PDE1C: variants seen among roughly 807,000 people sequenced by gnomAD.
PDE1C encodes the protein dual specificity calcium/calmodulin-dependent 3',5'-cyclic nucleotide phosphodiesterase 1C.
Under a neutral mutation model 93.1 loss-of-function variants are expected in PDE1C, and 62 were observed. The observed-to-expected ratio is 0.67, with a 90% CI of 0.54 to 0.82. The LOEUF is 0.82. Ranked by LOEUF, PDE1C falls within the 40% of genes least tolerant of loss-of-function variation. The pLI is 0.00. For missense variants in PDE1C, 742 were observed against 884.6 expected, an observed-to-expected ratio of 0.84 and a Z score of 2.04; for synonymous variants, 325 against 310.1, an observed-to-expected ratio of 1.05 and a Z score of -0.50.
chr7:32,183,784 A>G (rs1803622786), intron 2 of PDE1C, among the ~76,000 whole-genome samples: 1 of 152,226 alleles, frequency 6.6e-6, no homozygotes, highest in South Asian at 2.1e-4. Flanking sequence ...GGGCAACAAA[A>G]GACAAAATTG....
At chr7:31,972,942 G>A (rs1293305710) in intron 2 of PDE1C, among the ~76,000 whole-genome samples, 1 of 152,060 alleles carries the variant, frequency 6.6e-6, no homozygotes, top group Non-Finnish European at 1.5e-5. Flanking sequence ...CACCCTCACA[G>A]GTAGCACAAG....
intron 2 of PDE1C, among the ~76,000 whole-genome samples, chr7:31,939,356 G>A (rs529440294): frequency 6.6e-6 from 1 of 152,256 alleles, no homozygotes; most frequent in South Asian, 2.1e-4. Context: ...CTTCAAGGTT[G>A]TATCCAAATG....
the PDE1C span, among the ~76,000 whole-genome samples, chr7:31,665,696 T>C: frequency 6.6e-6 from 1 of 152,172 alleles, no homozygotes; most frequent in Admixed American, 6.5e-5. Flanking sequence ...CTTCTGGGCA[T>C]CCAGTCATAC....
intron 16 of PDE1C, among the ~76,000 whole-genome samples, chr7:31,806,587 G>A (rs911636409): frequency 1.3e-5 from 2 of 151,938 alleles, no homozygotes; most frequent in South Asian, 2.1e-4. Context: ...CAGCTGCAAT[G>A]TGTTCATTAT....
intron 2 of PDE1C, among the ~76,000 whole-genome samples, chr7:31,921,101 G>A (rs1444329120): frequency 2.0e-5 from 3 of 152,174 alleles, no homozygotes; most frequent in African/African-American, 7.2e-5. Context: ...ACTCTCATCT[G>A]GCACCTACTC....
intron 3 of PDE1C, among the ~76,000 whole-genome samples, chr7:32,153,547 A>G (rs1801388772): frequency 6.6e-6 from 1 of 152,250 alleles, no homozygotes; most frequent in East Asian, 1.9e-4. Context: ...GCATGGCAGC[A>G]GAATGGGACC....
intron 2 of PDE1C, among the ~76,000 whole-genome samples, chr7:31,940,402 T>C (rs1012696785): frequency 9.2e-5 from 14 of 152,174 alleles, no homozygotes; most frequent in African/African-American, 3.4e-4. Flanking sequence ...CCCTGAATGA[T>C]TTTCCAGTTT....
intron 2 of PDE1C, among the ~76,000 whole-genome samples, chr7:31,964,640 G>A (rs1238110425): frequency 6.6e-6 from 1 of 152,226 alleles, no homozygotes; most frequent in African/African-American, 2.4e-5. Context: ...GGAGATCTGA[G>A]AACGGGCAGA....
At chr7:31,833,457 T>C (rs146740407) in intron 11 of PDE1C, among the ~76,000 whole-genome samples, 131 of 152,216 alleles carry the variant, frequency 8.6e-4, no homozygotes, top group Admixed American at 6.9e-3. Flanking sequence ...CAGAAGAAGA[T>C]AAGAAAATGT....
At chr7:31,945,884 G>T (rs1806539494) in intron 2 of PDE1C, among the ~76,000 whole-genome samples, 1 of 151,564 alleles carries the variant, frequency 6.6e-6, no homozygotes, top group East Asian at 1.9e-4. Context: ...TTTTTCCTTT[G>T]CATTTCAGTT....
chr7:32,158,907 C>T (rs1006988089), intron 3 of PDE1C, among the ~76,000 whole-genome samples: 1 of 152,214 alleles, frequency 6.6e-6, no homozygotes, highest in Non-Finnish European at 1.5e-5. Context: ...TGGTTCCAAA[C>T]TTTACCTGCC....
intron 11 of PDE1C, among the ~76,000 whole-genome samples, chr7:31,830,986 A>G (rs1790311984): frequency 6.6e-6 from 1 of 152,218 alleles, no homozygotes; most frequent in Non-Finnish European, 1.5e-5. Flanking sequence ...GCAGCAAACC[A>G]GTCAAAAGAG....
At chr7:31,946,981 G>A (rs537002109) in intron 2 of PDE1C, among the ~76,000 whole-genome samples, 1 of 152,332 alleles carries the variant, frequency 6.6e-6, no homozygotes, top group East Asian at 1.9e-4. Context: ...AATCTGGCTA[G>A]GAGTTGAGCT....
At chr7:31,717,062 G>A in the PDE1C span, among the ~76,000 whole-genome samples, 2 of 152,194 alleles carry the variant, frequency 1.3e-5, no homozygotes, top group African/African-American at 4.8e-5. Context: ...CTGACAATTT[G>A]CCAAGACACA....
chr7:31,781,355 C>T (rs1275596379), intron 16 of PDE1C, among the ~76,000 whole-genome samples: 1 of 152,176 alleles, frequency 6.6e-6, no homozygotes, highest in African/African-American at 2.4e-5. Context: ...ATAGTACAAC[C>T]AGATCCCACA....
the PDE1C span, among the ~76,000 whole-genome samples, chr7:31,728,455 G>A: frequency 2.0e-5 from 3 of 152,280 alleles, no homozygotes; most frequent in Admixed American, 6.5e-5. Flanking sequence ...TAAGAGAAAC[G>A]CAACATTTGT....
At chr7:32,100,713 C>T (rs1334577837) in intron 3 of PDE1C, among the ~76,000 whole-genome samples, 1 of 152,200 alleles carries the variant, frequency 6.6e-6, no homozygotes, top group Non-Finnish European at 1.5e-5. Context: ...TACCTATACA[C>T]ACACATGTGC....
At chr7:31,850,024 C>A (rs1562917290) in intron 8 of PDE1C, among the ~76,000 whole-genome samples, 1 of 151,974 alleles carries the variant, frequency 6.6e-6, no homozygotes, top group Non-Finnish European at 1.5e-5. Flanking sequence ...GCACTTGGAC[C>A]CATATTTAAT....
At chr7:31,667,346 A>G in the PDE1C span, among the ~76,000 whole-genome samples, 3 of 152,194 alleles carry the variant, frequency 2.0e-5, no homozygotes, top group African/African-American at 4.8e-5. Context: ...TCAAAGGTAG[A>G]GTCATTATCC....
Sources: gnomAD v4.1 joint callset for allele counts (sites outside exome capture counted in the v4.1 genomes callset) on GRCh38, gnomAD v4.1.1 for gene constraint, MANE v1.5 for transcripts, NCBI Gene and HGNC (gene_info 2026-07-23, HGNC 2026-07-21) for gene names.